The following IWS1 variants were observed in gnomAD, a reference collection of about 807,000 sequenced individuals.
IWS1 encodes the protein protein IWS1 homolog.
IWS1 carries 27 observed loss-of-function variants against 86.7 expected under a neutral mutation model. That is an observed-to-expected ratio of 0.31 (90% CI 0.23 to 0.43). The LOEUF (loss-of-function observed/expected upper bound fraction) is 0.43. Among genes scored for constraint, IWS1 ranks in the 20% least tolerant of loss-of-function variants. IWS1 has a pLI of 1.00. For synonymous variants in IWS1, 313 were observed against 335.1 expected, an observed-to-expected ratio of 0.93 and a Z score of 0.72; for missense variants, 827 against 1,000.8, an observed-to-expected ratio of 0.83 and a Z score of 2.34.
chr2:127,515,874 A>G (rs878908948), intron 2 of IWS1, among the ~76,000 whole-genome samples: 1 of 152,166 alleles, frequency 6.6e-6, no homozygotes, highest in Non-Finnish European at 1.5e-5. Flanking sequence ...TCCCAGGAAG[A>G]GCAGGGCATC....
Position 127,505,831 on chromosome 2 carries a change from G to GTGA in IWS1, c.151-82_151-80dup. ...AATAATAAAACATTAAATTTTTTCT[G>GTGA]TGATTTTTTTAAAATACAGGATTAT... On this transcript the variant is annotated intron_variant, in intron 2 of 13. Coordinates refer to ENST00000295321, the MANE Select transcript of IWS1 (RefSeq NM_017969.3). The surrounding 1 kb of genome is among the most constrained non-coding windows in gnomAD (Gnocchi z 5.0). 1 of 1,013,060 alleles carries GTGA rather than the reference G, an allele frequency of 9.9e-7. No individual in the cohort carries two copies. The allele number at this position is 1,013,060 out of a possible 1,614,324, so 62.8% of individuals were successfully genotyped here. A position where few individuals can be genotyped will look rare whatever the true frequency, so the allele number is the denominator to read the frequency against.
intron 2 of IWS1, among the ~76,000 whole-genome samples, chr2:127,507,108 A>AG (rs2104708803): frequency 6.6e-6 from 1 of 152,336 alleles, no homozygotes; most frequent in African/African-American, 2.4e-5. Context: ...CAAGGACCAA[A>AG]GAGCCTTTAA....
At chr2:127,510,561 T>C (rs6755679) in intron 2 of IWS1, among the ~76,000 whole-genome samples, 2,954 of 152,214 alleles carry the variant, frequency 0.019, 103 homozygotes, top group African/African-American at 0.068. Context: ...AGCATAACCA[T>C]AGCTCAGTAT....
In IWS1 at chr2:127,505,079, T is replaced by C. The variant is rs1691050130; in HGVS notation, c.824A>G (p.Asp275Gly). The C allele has an allele frequency of 6.2e-7, 1 of 1,612,238 alleles. No homozygotes were observed. Among genetic ancestry groups the C allele is most frequent in the Non-Finnish European group, 8.5e-7 (1 of 1,179,504 alleles). ...CCTTGGGGGATCCTCACTTTCCGAATCACTGATTCGGGGTTTGGGAAGCTC... is the reference window on the plus strand; with the variant it reads ...CCTTGGGGGATCCTCACTTTCCGAACCACTGATTCGGGGTTTGGGAAGCTC... ...NEELPKPRIS[D>G]SESEDPPRNQ... The change falls in exon 3 of 14, where the codon GAT becomes GGT. Residue 275 changes from aspartate (D) to glycine (G), a missense_variant. Physicochemically the swap from Asp to Gly is moderately conservative, Grantham distance 94. This residue lies in a region of IWS1 where 548 missense variants were observed against 560.2 expected (regional missense o/e 0.98). Transcript: ENST00000295321. This position sits in a 1 kb window ranked among gnomAD's most constrained non-coding sequence, Gnocchi z 5.0.
At position 127,526,113 on chromosome 2, in the gene IWS1, G is replaced by C. The variant is rs576961965; in HGVS notation, c.34+62C>G. 2.6e-5 allele frequency: 39 copies of C among 1,518,002 alleles called. No individual in the cohort carries two copies. In the African/African-American group the frequency reaches 5.2e-4, roughly 20 times the overall value. 94.0% of individuals were successfully genotyped at this position (1,518,002 alleles called of 1,614,324 possible). ...CCTTGCCCCCACCCGCGGGGTGCCA[G>C]GCCAAGCCCCGCCGAGTAACTGCTC... On this transcript the variant is annotated intron_variant, in intron 1 of 13. Transcript: ENST00000295321.
rs539866867 is a variant in IWS1, at chr2:127,501,993, G to T, written c.1467+822C>A. Among the ~76,000 whole-genome samples the T allele has an allele frequency of 1.8e-3, 276 of 151,976 alleles. 2 individuals carry two copies. Among genetic ancestry groups the T allele is most frequent in the Non-Finnish European group, 2.4e-3 (166 of 67,988 alleles). On this transcript the variant is annotated intron_variant, in intron 5 of 13. Transcript: ENST00000295321. ...TATCTCCCTGAACATATTTAAGGTG[G>T]TATCTAAAATTCCTATATCTAGAGC...
At chr2:127,514,382 C>T (rs10432384) in intron 2 of IWS1, 66,657 of 154,382 alleles carry the variant, frequency 0.43, 15,575 homozygotes, top group East Asian at 0.57. Flanking sequence ...CCCTCCCTCC[C>T]GCTTACCCAG....
At chr2:127,507,004 G>A (rs1384279600) in intron 2 of IWS1, among the ~76,000 whole-genome samples, 2 of 152,038 alleles carry the variant, frequency 1.3e-5, no homozygotes, top group South Asian at 2.1e-4. Context: ...AAGTATTTCC[G>A]TGTTTGAGTA....
intron 9 of IWS1, 63 bp downstream of exon 9, chr2:127,493,218 G>A: frequency 6.8e-7 from 1 of 1,476,226 alleles, no homozygotes; most frequent in Non-Finnish European, 9.1e-7. Flanking sequence ...AACTACACAG[G>A]TTATGACCAT....
intron 2 of IWS1, chr2:127,506,597 T>G (rs570866535): frequency 1.8e-5 from 3 of 162,356 alleles, no homozygotes; most frequent in African/African-American, 7.2e-5. Flanking sequence ...ATTTCCTAAG[T>G]ACCCACTAAG....
chr2:127,515,152 C>A (rs1352854982), intron 2 of IWS1, among the ~76,000 whole-genome samples: 1 of 152,216 alleles, frequency 6.6e-6, no homozygotes, highest in Admixed American at 6.5e-5. Flanking sequence ...TATTACACCT[C>A]ATTTGTCCAT....
chr2:127,502,996 G>A, intron 4 of IWS1, 124 bp from the exon 5 acceptor site: 1 of 617,584 alleles, frequency 1.6e-6, no homozygotes, highest in South Asian at 2.0e-5. Flanking sequence ...AGTTCAATGA[G>A]TTTTAACAAA....
At position 127,505,822 on chromosome 2, in the gene IWS1, A is replaced by AT; in HGVS notation, c.151-71dup. 2 of 1,060,710 alleles carry AT rather than the reference A, an allele frequency of 1.9e-6. No homozygotes were observed. Among genetic ancestry groups the AT allele is most frequent in the South Asian group, 1.7e-5 (1 of 58,050 alleles). The allele number at this position is 1,060,710 out of a possible 1,614,324, so 65.7% of individuals were successfully genotyped here. A position where few individuals can be genotyped will look rare whatever the true frequency, so the allele number is the denominator to read the frequency against. ...AAAACCATTAATAATAAAACATTAA[A>AT]TTTTTTCTGTGATTTTTTTAAAATA... On this transcript the variant is annotated intron_variant, in intron 2 of 13. Coordinates refer to ENST00000295321, the MANE Select transcript of IWS1 (RefSeq NM_017969.3). The surrounding 1 kb of genome is among the most constrained non-coding windows in gnomAD (Gnocchi z 5.0).
At chr2:127,507,384 A>G (rs1691202389) in intron 2 of IWS1, among the ~76,000 whole-genome samples, 1 of 152,210 alleles carries the variant, frequency 6.6e-6, no homozygotes, top group Admixed American at 6.5e-5. Flanking sequence ...ACTGAAATAT[A>G]GCACATTCAG....
At chr2:127,485,951 T>C (rs958401881) in intron 13 of IWS1, 4 of 153,842 alleles carry the variant, frequency 2.6e-5, no homozygotes, top group Admixed American at 2.6e-4. Flanking sequence ...GACAGCACGA[T>C]GCACTTTGCT....
chr2:127,488,619 T>C (rs1330597684), intron 12 of IWS1, among the ~76,000 whole-genome samples: 5 of 152,214 alleles, frequency 3.3e-5, no homozygotes, highest in South Asian at 4.1e-4. Context: ...CATGATGCCA[T>C]TGGCATCAGC....
chr2:127,492,630 AC>A (rs1357345732), intron 9 of IWS1: 9 of 153,712 alleles, frequency 5.9e-5, no homozygotes, highest in Admixed American at 5.8e-4. Flanking sequence ...GAAAGTATGA[AC>A]CAAGCGTACT....
At position 127,499,184 on chromosome 2, in the gene IWS1, G is replaced by A. The variant is rs554126105; in HGVS notation, c.1468-947C>T. On this transcript the variant is annotated intron_variant, in intron 5 of 13. Transcript: ENST00000295321. The surrounding 1 kb of genome is among the most constrained non-coding windows in gnomAD (Gnocchi z 4.0). ...CGGCTCACTGCAAGCTCCACCTCCC[G>A]GGTTCATGCCATTCTCCTGCCTCAG... Among the ~76,000 whole-genome samples the A allele has an allele frequency of 3.0e-4, 45 of 149,846 alleles. No homozygotes were observed. The highest frequency in any genetic ancestry group is 3.4e-3 in the Middle Eastern group (1 of 290).
chr2:127,526,282 C>G lies in IWS1; in HGVS notation c.-74G>C. The stretch of plus-strand genomic sequence containing the variant: ...TCACCTCCTTCCAGGCGGTGTGACC[C>G]CGGATGGCGCGGCTAAGTGTTCAGA... On this transcript the variant is annotated 5_prime_UTR_variant, in exon 1 of 14. Transcript: ENST00000295321. The G allele has an allele frequency of 6.5e-7, 1 of 1,545,366 alleles. No homozygotes were observed. Among genetic ancestry groups the G allele is most frequent in the Non-Finnish European group, 8.7e-7 (1 of 1,147,018 alleles).
Sources: gnomAD v4.1 joint callset for allele counts (sites outside exome capture counted in the v4.1 genomes callset) on GRCh38, gnomAD v4.1.1 for gene constraint, gnomAD v4.1.1 regional missense constraint, Gnocchi (gnomAD v3.1) non-coding constraint, MANE v1.5 for transcripts, NCBI Gene and HGNC (gene_info 2026-07-23, HGNC 2026-07-21) for gene names.